Variants in KIF13B observed in about 807,000 individuals in gnomAD.
The protein encoded by KIF13B is kinesin family member 13B.
A neutral mutation model predicts 222.0 loss-of-function variants in KIF13B; 127 were observed. That is an observed-to-expected ratio of 0.57 (90% CI 0.50 to 0.66). The LOEUF (loss-of-function observed/expected upper bound fraction) is 0.66, where lower values mean the gene tolerates loss of function less well. Among genes scored for constraint, KIF13B ranks in the 30% least tolerant of loss-of-function variants. The pLI is 0.00. For synonymous variants in KIF13B, 976 were observed against 919.0 expected (o/e 1.06, Z -1.12); for missense variants, 2,173 against 2,379.0 (o/e 0.91, Z 1.80).
chr8:29,071,322 C>T lies in KIF13B; in HGVS notation c.5218+298G>A, dbSNP rs943629494. 3.9e-5 allele frequency among the ~76,000 whole-genome samples: 6 copies of T among 152,136 alleles called. No individual in the cohort carries two copies. Among genetic ancestry groups the T allele is most frequent in the East Asian group, 3.9e-4 (2 of 5,188 alleles). On this transcript the variant is annotated intron_variant, in intron 39 of 39. Transcript: ENST00000524189. This position sits in a 1 kb window ranked among gnomAD's most constrained non-coding sequence, Gnocchi z 4.9. ...AGGTGAAGGATGAGAAAGCAGAGCC[C>T]AGGGAGTGCAGAGGGCAGGGGAGAC...
rs756451345 is a variant in KIF13B at position 29,071,932 on chromosome 8, C to T, written c.4906G>A (p.Asp1636Asn). The change falls in exon 39 of 40, where the codon GAC becomes AAC. Residue 1636 changes from aspartate (D) to asparagine (N), a missense_variant. Transcript: ENST00000524189. The surrounding 1 kb of genome is among the most constrained non-coding windows in gnomAD (Gnocchi z 4.9). ...QLVSPGRERP[D>N]LEAPAPGSPF... The stretch of plus-strand genomic sequence containing the variant: ...GAGCCGGGCGCCGGGGCCTCGAGGT[C>T]GGGGCGCTCCCGACCGGGGCTCACG... 1 of 1,409,872 alleles carries T rather than the reference C, an allele frequency of 7.1e-7. No homozygotes were observed. The highest frequency in any genetic ancestry group is 1.4e-5 in the South Asian group (1 of 69,426). 87.3% of individuals were successfully genotyped at this position (1,409,872 alleles called of 1,614,324 possible). A position where few individuals can be genotyped will look rare whatever the true frequency, so the allele number is the denominator to read the frequency against.
intron 15 of KIF13B, among the ~76,000 whole-genome samples, chr8:29,149,018 T>G (rs1811185000): frequency 6.6e-6 from 1 of 152,124 alleles, no homozygotes; most frequent in Non-Finnish European, 1.5e-5. Flanking sequence ...CTGAGGACGT[T>G]TTCAGAGCAA....
intron 2 of KIF13B, among the ~76,000 whole-genome samples, chr8:29,215,729 C>G (rs2130498516): frequency 6.6e-6 from 1 of 152,134 alleles, no homozygotes; most frequent in East Asian, 1.9e-4. Flanking sequence ...TATTTGTCAA[C>G]TAAGCTAAAG....
At chr8:29,248,241 C>T (rs1816123234) in intron 1 of KIF13B, among the ~76,000 whole-genome samples, 1 of 152,154 alleles carries the variant, frequency 6.6e-6, no homozygotes, top group South Asian at 2.1e-4. Context: ...GTTCACAGTA[C>T]CATTATTTGG....
At chr8:29,110,360 T>C (rs3816826) in intron 32 of KIF13B, among the ~76,000 whole-genome samples, 19,575 of 152,130 alleles carry the variant, frequency 0.13, 1,393 homozygotes, top group Middle Eastern at 0.16. Flanking sequence ...TAGAAAGGAT[T>C]TTGTCGACTA....
intron 2 of KIF13B, among the ~76,000 whole-genome samples, chr8:29,219,679 G>A (rs1288238161): frequency 6.6e-6 from 1 of 152,048 alleles, no homozygotes; most frequent in East Asian, 1.9e-4. Context: ...CCTGAGTCGG[G>A]GAGGCAGAGG....
At chr8:29,088,441 C>T (rs1030830100) in intron 37 of KIF13B, among the ~76,000 whole-genome samples, 4 of 152,096 alleles carry the variant, frequency 2.6e-5, no homozygotes, top group African/African-American at 7.2e-5. Context: ...ATACAATCCT[C>T]CCCACTCCCT....
intron 21 of KIF13B, among the ~76,000 whole-genome samples, chr8:29,136,368 C>T (rs902399493): frequency 3.9e-5 from 6 of 152,018 alleles, no homozygotes; most frequent in African/African-American, 1.5e-4. Flanking sequence ...CACCTGAGGT[C>T]GGCAGTTCAA....
intron 3 of KIF13B, among the ~76,000 whole-genome samples, chr8:29,193,491 C>T (rs534142853): frequency 2.0e-5 from 3 of 152,276 alleles, no homozygotes; most frequent in East Asian, 3.9e-4. Flanking sequence ...TAGCTTTCCA[C>T]GCTTATCTCC....
intron 2 of KIF13B, among the ~76,000 whole-genome samples, chr8:29,216,309 G>A (rs541305333): frequency 7.2e-4 from 110 of 152,196 alleles, no homozygotes; most frequent in African/African-American, 2.6e-3. Context: ...CTAAAGCCAC[G>A]TACTAGGCCG....
chr8:29,148,269 A>T (rs1024823915), intron 16 of KIF13B, among the ~76,000 whole-genome samples: 1 of 152,262 alleles, frequency 6.6e-6, no homozygotes. Context: ...CTGACTGCAT[A>T]TTAAGGCAGA....
chr8:29,243,145 G>A (rs184591947), intron 2 of KIF13B, among the ~76,000 whole-genome samples: 9 of 152,086 alleles, frequency 5.9e-5, no homozygotes, highest in African/African-American at 1.4e-4. Context: ...TCAGGAGTTC[G>A]AGACCAGCCT....
chr8:29,151,630 C>G (rs1326864255), intron 14 of KIF13B, among the ~76,000 whole-genome samples: 1 of 152,184 alleles, frequency 6.6e-6, no homozygotes, highest in African/African-American at 2.4e-5. Flanking sequence ...GCCTGGATGA[C>G]AGTACGTCTG....
chr8:29,215,197 A>T (rs1814417776), intron 2 of KIF13B, among the ~76,000 whole-genome samples: 1 of 151,982 alleles, frequency 6.6e-6, no homozygotes, highest in African/African-American at 2.4e-5. Context: ...CTCCAAGTAG[A>T]GTGAGTGGTA....
chr8:29,090,643 T>G (rs1254878381), intron 37 of KIF13B, among the ~76,000 whole-genome samples: 2 of 152,230 alleles, frequency 1.3e-5, no homozygotes, highest in Non-Finnish European at 2.9e-5. Flanking sequence ...AACTGGAATG[T>G]TCTGGCTTTA....
chr8:29,229,136 A>G (rs983281944), intron 2 of KIF13B, among the ~76,000 whole-genome samples: 1 of 142,686 alleles, frequency 7.0e-6, no homozygotes, highest in Non-Finnish European at 1.5e-5. Flanking sequence ...TCTTTCCCTT[A>G]TCAGGACACC....
chr8:29,242,553 T>C (rs1037666805), intron 2 of KIF13B, among the ~76,000 whole-genome samples: 1 of 152,164 alleles, frequency 6.6e-6, no homozygotes, highest in African/African-American at 2.4e-5. Flanking sequence ...AAAAAGATAT[T>C]AATTGTTCTA....
intron 17 of KIF13B, 32 bp downstream of exon 17, chr8:29,147,360 A>G (rs370554336): frequency 2.0e-6 from 3 of 1,534,760 alleles, no homozygotes; most frequent in Non-Finnish European, 2.7e-6. Context: ...AGCCTGAGCT[A>G]TAAAGTTAAC....
chr8:29,193,806 G>A (rs561786643), intron 3 of KIF13B, among the ~76,000 whole-genome samples: 1 of 152,254 alleles, frequency 6.6e-6, no homozygotes, highest in South Asian at 2.1e-4. Flanking sequence ...TTGTCATACT[G>A]TACTGCTTTT....
Sources: allele counts gnomAD v4.1 joint callset (sites outside exome capture counted in the v4.1 genomes callset), GRCh38; gene constraint gnomAD v4.1.1; non-coding constraint Gnocchi (gnomAD v3.1); transcripts MANE v1.5; gene names NCBI Gene and HGNC (gene_info 2026-07-23, HGNC 2026-07-21).